LAMA2: variants seen among roughly 807,000 people sequenced by gnomAD.
LAMA2 encodes laminin subunit alpha 2, also known as laminin subunit alpha-2.
A neutral mutation model predicts 364.8 loss-of-function variants in LAMA2; 269 were observed. The observed-to-expected ratio is 0.74, with a 90% confidence interval of 0.67 to 0.82. The LOEUF (loss-of-function observed/expected upper bound fraction) is 0.82, where lower values mean the gene tolerates loss of function less well. Among genes scored for constraint, LAMA2 ranks in the 40% least tolerant of loss-of-function variants. The pLI, the probability that LAMA2 is intolerant of heterozygous loss-of-function variation, is 0.00. For missense variants in LAMA2, 3,807 were observed against 3,873.2 expected (o/e 0.98, Z 0.45); for synonymous variants, 1,379 against 1,370.6 (o/e 1.01, Z -0.14).
chr6:128,955,145 A>G (rs572876013), intron 1 of LAMA2, among the ~76,000 whole-genome samples: 10 of 151,990 alleles, frequency 6.6e-5, no homozygotes, highest in Non-Finnish European at 1.5e-4. Flanking sequence ...TATTAAATGT[A>G]GTGATAAATC....
chr6:129,505,482 A>G (rs1026523944), intron 61 of LAMA2, 127 bp downstream of exon 61: 10 of 720,610 alleles, frequency 1.4e-5, no homozygotes, highest in Non-Finnish European at 2.2e-5. Flanking sequence ...CTTTTCTGAT[A>G]AGGGACAGAA....
intron 22 of LAMA2, 43 bp downstream of exon 22, chr6:129,300,915 T>A: frequency 6.2e-7 from 1 of 1,606,360 alleles, no homozygotes. Flanking sequence ...TTTGGAGAGA[T>A]TTTTGTTTTG....
intron 8 of LAMA2, among the ~76,000 whole-genome samples, chr6:129,160,534 A>C (rs1051459784): frequency 6.6e-6 from 1 of 151,940 alleles, no homozygotes; most frequent in Non-Finnish European, 1.5e-5. Flanking sequence ...TTTCCAAAAA[A>C]ACTTCTGCCT....
At chr6:128,930,852 C>A (rs972098635) in intron 1 of LAMA2, among the ~76,000 whole-genome samples, 3 of 152,120 alleles carry the variant, frequency 2.0e-5, no homozygotes, top group Non-Finnish European at 4.4e-5. Flanking sequence ...TCACAGTGTG[C>A]ATCTCAACTT....
At position 129,478,829 on chromosome 6, in the gene LAMA2, A is replaced by ATAGT. The variant is rs1562601196; in HGVS notation, c.7572+18_7572+21dup. On this transcript the variant is annotated intron_variant, in intron 54 of 64. Transcript: ENST00000421865. Reference sequence around the variant, plus strand: ...TTCCCTGGAGGTTGGTCTGTTTTTGATAGTTCTCTAAACACATTTATATCA... The same window carrying ATAGT: ...TTCCCTGGAGGTTGGTCTGTTTTTGATAGTTAGTTCTCTAAACACATTTATATCA... 6.2e-7 allele frequency: 1 copy of ATAGT among 1,608,152 alleles called. No homozygotes were observed. The highest frequency in any genetic ancestry group is 2.2e-5 in the East Asian group (1 of 44,816).
intron 12 of LAMA2, among the ~76,000 whole-genome samples, chr6:129,200,086 ATATATACACGTGTATAT>A (rs1782097606): frequency 2.7e-5 from 4 of 147,190 alleles, no homozygotes; most frequent in Admixed American, 2.7e-4. Flanking sequence ...CCAAAAATAT[ATATATACACGTGTATAT>A]GTGTACACGT....
intron 1 of LAMA2, among the ~76,000 whole-genome samples, chr6:128,938,342 A>T (rs9492145): frequency 0.13 from 19,364 of 152,056 alleles, 1,534 homozygotes; most frequent in African/African-American, 0.23. Context: ...TATTTTTATG[A>T]TTAACTAATG....
intron 37 of LAMA2, among the ~76,000 whole-genome samples, chr6:129,393,560 C>T (rs1006152408): frequency 1.3e-5 from 2 of 152,168 alleles, no homozygotes; most frequent in African/African-American, 4.8e-5. Flanking sequence ...CGACCTTGGT[C>T]TCAATGACAA....
intron 37 of LAMA2, among the ~76,000 whole-genome samples, chr6:129,398,740 C>T (rs183907938): frequency 6.6e-6 from 1 of 152,060 alleles, no homozygotes; most frequent in Non-Finnish European, 1.5e-5. Flanking sequence ...TCCCAAAGTG[C>T]TGGGATAACA....
chr6:129,418,770 C>G (rs1780926795), intron 40 of LAMA2, among the ~76,000 whole-genome samples: 1 of 152,088 alleles, frequency 6.6e-6, no homozygotes, highest in Non-Finnish European at 1.5e-5. Context: ...AATGCCTTTT[C>G]AAGAAACACT....
At chr6:129,408,889 C>T (rs1011814792) in intron 40 of LAMA2, among the ~76,000 whole-genome samples, 1 of 152,158 alleles carries the variant, frequency 6.6e-6, no homozygotes, top group Non-Finnish European at 1.5e-5. Flanking sequence ...TTATTAAAAT[C>T]CTCCTCAGCT....
At chr6:128,913,310 A>G (rs955234996) in intron 1 of LAMA2, among the ~76,000 whole-genome samples, 16 of 152,260 alleles carry the variant, frequency 1.1e-4, no homozygotes, top group African/African-American at 3.9e-4. Flanking sequence ...AATTTAGCCC[A>G]TGAAAACACA....
At chr6:129,099,468 C>G (rs1246130363) in intron 4 of LAMA2, among the ~76,000 whole-genome samples, 1 of 152,096 alleles carries the variant, frequency 6.6e-6, no homozygotes, top group Admixed American at 6.6e-5. Flanking sequence ...GTTTCCCTGA[C>G]TTGTCTCCCT....
At chr6:129,172,798 A>G (rs1429749158) in intron 9 of LAMA2, among the ~76,000 whole-genome samples, 1 of 152,218 alleles carries the variant, frequency 6.6e-6, no homozygotes, top group Non-Finnish European at 1.5e-5. Context: ...GTTTGATCTC[A>G]GACTGCTGTG....
intron 1 of LAMA2, among the ~76,000 whole-genome samples, chr6:129,044,174 G>C (rs368959583): frequency 8.0e-6 from 1 of 124,784 alleles, no homozygotes; most frequent in African/African-American, 3.7e-5. Context: ...TTTGCTGTGT[G>C]TATATATATA....
rs12174440 is a variant in LAMA2, at chr6:129,048,276, G to A, written c.113-1642G>A. Among the ~76,000 whole-genome samples, 56 of 152,160 alleles carry A rather than the reference G, an allele frequency of 3.7e-4. No individual in the cohort carries two copies. In the East Asian group the frequency reaches 7.2e-3, roughly 19 times the overall value. On this transcript the variant is annotated intron_variant, in intron 1 of 64. Coordinates refer to ENST00000421865, the MANE Select transcript of LAMA2 (RefSeq NM_000426.4). ...CGTTTATTTTACAAATACATTGAGT[G>A]CCTACTCTGTCCCTACTATGTGCCA...
At chr6:128,948,935 A>G (rs1374103684) in intron 1 of LAMA2, among the ~76,000 whole-genome samples, 1 of 152,156 alleles carries the variant, frequency 6.6e-6, no homozygotes, top group African/African-American at 2.4e-5. Context: ...TCTTTTCTTT[A>G]TAAATTACCC....
rs762223796 is a variant in LAMA2 at position 129,280,043 on chromosome 6, GCAA to G, written c.2451-12_2451-10del. On this transcript the variant is annotated splice_polypyrimidine_tract_variant and intron_variant, in intron 17 of 64. Transcript: ENST00000421865. ...TCCTTCTTCCTTGTCCCTGTTTTCC[GCAA>G]CAACATCAACATAGCTTTAGCCCAA... is the stretch of plus-strand genomic sequence containing the variant. The G allele has an allele frequency of 2.5e-6, 4 of 1,573,244 alleles. No individual in the cohort carries two copies. The highest frequency in any genetic ancestry group is 1.3e-5 in the African/African-American group (1 of 74,132).
intron 1 of LAMA2, among the ~76,000 whole-genome samples, chr6:128,911,285 T>C (rs569579165): frequency 4.9e-4 from 74 of 152,186 alleles, no homozygotes; most frequent in East Asian, 2.1e-3. Context: ...TAGCAATCAG[T>C]GAGACTCCGT....
Sources: gnomAD v4.1 joint callset for allele counts (sites outside exome capture counted in the v4.1 genomes callset) on GRCh38, gnomAD v4.1.1 for gene constraint, MANE v1.5 for transcripts, NCBI Gene and HGNC (gene_info 2026-07-23, HGNC 2026-07-21) for gene names.